FUT8: variants seen among roughly 807,000 people sequenced by gnomAD.
FUT8 encodes the protein alpha-(1,6)-fucosyltransferase.
FUT8 carries 29 observed loss-of-function variants against 71.3 expected under a neutral mutation model. The ratio of observed to expected loss-of-function variants is 0.41; its 90% CI spans 0.30 to 0.55. The LOEUF is 0.55. Ranked by LOEUF, FUT8 falls within the 20% of genes least tolerant of loss-of-function variation. The pLI is 0.34. For missense variants in FUT8, 544 were observed against 702.1 expected, an observed-to-expected ratio of 0.77 and a Z score of 2.55; for synonymous variants, 254 against 239.3, an observed-to-expected ratio of 1.06 and a Z score of -0.57.
intron 7 of FUT8, among the ~76,000 whole-genome samples, chr14:65,707,187 G>A (rs879728451): frequency 6.6e-6 from 1 of 151,962 alleles, no homozygotes; most frequent in African/African-American, 2.4e-5. Context: ...TGTCTTTTTG[G>A]TAATAGCTAT....
chr14:65,716,383 C>CTTT (rs1283884145), intron 7 of FUT8, among the ~76,000 whole-genome samples: 1 of 130,144 alleles, frequency 7.7e-6, no homozygotes, highest in African/African-American at 2.8e-5. Flanking sequence ...TTCTTTGTCC[C>CTTT]TTTTTTTTTT....
chr14:65,441,782 G>A (rs1271407256), intron 1 of FUT8, among the ~76,000 whole-genome samples: 1 of 140,846 alleles, frequency 7.1e-6, no homozygotes, highest in Non-Finnish European at 1.5e-5. Context: ...AAAAAAATCA[G>A]TTTGTATTTA....
chr14:65,700,244 A>C (rs771806769), intron 7 of FUT8, among the ~76,000 whole-genome samples: 5 of 152,148 alleles, frequency 3.3e-5, no homozygotes, highest in Non-Finnish European at 7.4e-5. Context: ...TCAAGGCCTG[A>C]ATATTCATAT....
chr14:65,557,389 G>A (rs1459117153), intron 2 of FUT8, among the ~76,000 whole-genome samples: 2 of 151,054 alleles, frequency 1.3e-5, no homozygotes, highest in Non-Finnish European at 3.0e-5. Flanking sequence ...CTGGAGTGTG[G>A]TGTTGTGATC....
intron 9 of FUT8, among the ~76,000 whole-genome samples, chr14:65,726,389 A>T (rs892899203): frequency 2.6e-5 from 4 of 152,228 alleles, no homozygotes; most frequent in African/African-American, 9.6e-5. Context: ...TACAAAAGTA[A>T]GAGGTTTAAT....
chr14:65,490,940 A>G (rs545876887), intron 2 of FUT8, among the ~76,000 whole-genome samples: 127 of 152,122 alleles, frequency 8.3e-4, no homozygotes, highest in Non-Finnish European at 1.6e-3. Flanking sequence ...CCTACTCAGA[A>G]TCTGGTTCAA....
chr14:65,367,782 C>T, the FUT8 span, among the ~76,000 whole-genome samples: 1 of 152,026 alleles, frequency 6.6e-6, no homozygotes, highest in East Asian at 1.9e-4. Flanking sequence ...AGGCTTTTAC[C>T]CACCAAATCC....
chr14:65,396,797 A>C, the FUT8 span, among the ~76,000 whole-genome samples: 3 of 152,244 alleles, frequency 2.0e-5, no homozygotes, highest in African/African-American at 7.2e-5. This position sits in a 1 kb window ranked among gnomAD's most constrained non-coding sequence, Gnocchi z 5.5. Context: ...ATATTAATTA[A>C]CATTAGTGGC....
chr14:65,417,614 T>G (rs1177090909), intron 1 of FUT8, among the ~76,000 whole-genome samples: 1 of 152,226 alleles, frequency 6.6e-6, no homozygotes, highest in African/African-American at 2.4e-5. Flanking sequence ...CTTACCCATC[T>G]ACTTTAAAAA....
rs73270612 is a variant in FUT8, at chr14:65,731,048, T to C, written c.1260-2183T>C. 9.5e-3 allele frequency among the ~76,000 whole-genome samples: 1,441 copies of C among 152,352 alleles called. 22 individuals carry two copies. Among genetic ancestry groups the C allele is most frequent in the African/African-American group, 0.033 (1,373 of 41,584 alleles). On this transcript the variant is annotated intron_variant, in intron 9 of 10. Coordinates refer to ENST00000673929, the MANE Select transcript of FUT8 (RefSeq NM_001371533.1). ...TTTTTTGTAAAGTATTTGGTTGCCC[T>C]GTGAAACAAAGAATCAGCAATGAGT...
intron 6 of FUT8, among the ~76,000 whole-genome samples, chr14:65,655,169 T>G (rs1393214382): frequency 6.6e-6 from 1 of 151,216 alleles, no homozygotes; most frequent in East Asian, 2.0e-4. Flanking sequence ...CAAACAATAA[T>G]CAAAAGAAAG....
chr14:65,555,518 A>G (rs1885540875), intron 2 of FUT8, among the ~76,000 whole-genome samples: 2 of 152,198 alleles, frequency 1.3e-5, no homozygotes, highest in Non-Finnish European at 2.9e-5. Flanking sequence ...CCTCCTCTTT[A>G]GTATAATGAC....
intron 1 of FUT8, among the ~76,000 whole-genome samples, chr14:65,414,586 A>G (rs925223192): frequency 1.3e-5 from 2 of 152,222 alleles, no homozygotes; most frequent in African/African-American, 2.4e-5. Context: ...TAAATACTAC[A>G]GTAGTATTGA....
chr14:65,629,361 A>G (rs1454413364), intron 5 of FUT8, 131 bp from the exon 6 acceptor site: 1 of 535,624 alleles, frequency 1.9e-6, no homozygotes, highest in Non-Finnish European at 3.3e-6. Context: ...TTGATAGAAA[A>G]TAAAAGATGA....
At chr14:65,411,306 A>G (rs1280150993), upstream of FUT8, 1 of 152,180 alleles carries the variant, frequency 6.6e-6, no homozygotes, top group Non-Finnish European at 1.5e-5. Flanking sequence ...TCACAGGGAG[A>G]TAATCATAAA....
rs376473739 is a variant in FUT8 at position 65,576,696 on chromosome 14, CTTTTTTTTTTTTTTTTTTTTTTTTTT to C, written c.203+14946_203+14971del. Among the ~76,000 whole-genome samples the C allele has an allele frequency of 1.7e-4, 16 of 96,212 alleles. 1 individual carries two copies. The highest frequency in any genetic ancestry group is 3.6e-4 in the East Asian group (1 of 2,794). 63.1% of individuals were successfully genotyped at this position (96,212 alleles called of 152,430 possible). ...GGTGTGTGCCATGATGCCCAGCTTGCTTTTTTTTTTTTTTTTTTTTTTTTTTTTTTTTTTTTTTTTTGAGACAGAGT... is the reference window on the plus strand; with the variant it reads ...GGTGTGTGCCATGATGCCCAGCTTGCTTTTTTTTTTTTTTTGAGACAGAGT... On this transcript the variant is annotated intron_variant, in intron 3 of 10. Coordinates refer to ENST00000673929, the MANE Select transcript of FUT8 (RefSeq NM_001371533.1).
intron 2 of FUT8, among the ~76,000 whole-genome samples, chr14:65,557,264 A>G (rs1374609697): frequency 6.6e-6 from 1 of 152,168 alleles, no homozygotes; most frequent in African/African-American, 2.4e-5. Flanking sequence ...AATCATTTAA[A>G]TACCTTAGTA....
At chr14:65,399,464 G>T in the FUT8 span, among the ~76,000 whole-genome samples, 1 of 152,190 alleles carries the variant, frequency 6.6e-6, no homozygotes, top group African/African-American at 2.4e-5. Flanking sequence ...AATGTTCATA[G>T]GTCTTAGACT....
intron 1 of FUT8, among the ~76,000 whole-genome samples, chr14:65,439,954 G>GTGTATATATGTATATATATATA: frequency 1.3e-5 from 1 of 74,984 alleles, no homozygotes; most frequent in African/African-American, 5.1e-5. Flanking sequence ...GTGTGTGTGT[G>GTGTATATATGTATATATATATA]TATATATATA....
Sources: gnomAD v4.1 joint callset for allele counts (sites outside exome capture counted in the v4.1 genomes callset) on GRCh38, gnomAD v4.1.1 for gene constraint, Gnocchi (gnomAD v3.1) non-coding constraint, MANE v1.5 for transcripts, NCBI Gene and HGNC (gene_info 2026-07-23, HGNC 2026-07-21) for gene names.